MAP3K15: variants seen among roughly 807,000 people sequenced by gnomAD.
The protein encoded by MAP3K15 is mitogen-activated protein kinase kinase kinase 15.
Under a neutral mutation model 99.5 loss-of-function variants are expected in MAP3K15, and 124 were observed. The ratio of observed to expected loss-of-function variants is 1.25; its 90% CI spans 1.08 to 1.45. The LOEUF is 1.45. MAP3K15 is among the 40% of genes most tolerant of loss of function. The pLI is 0.00. For synonymous variants in MAP3K15, 494 were observed against 439.6 expected (o/e 1.12, Z -1.55); for missense variants, 1,242 against 1,079.7 (o/e 1.15, Z -2.11).
At chrX:19,446,559 G>C (rs1032633458) in intron 6 of MAP3K15, among the ~76,000 whole-genome samples, 2 of 111,729 alleles carry the variant, frequency 1.8e-5, no homozygotes, top group Non-Finnish European at 3.8e-5. Context: ...TTACTCCCTA[G>C]GGACTACAGA....
chrX:19,474,232 C>T (rs1398470525), intron 3 of MAP3K15, among the ~76,000 whole-genome samples: 2 of 111,407 alleles, frequency 1.8e-5, no homozygotes, highest in Middle Eastern at 4.2e-3. Flanking sequence ...GTGTGGTGAA[C>T]AAGAAATACT....
Position 19,515,282 on chromosome X carries a change from C to A in MAP3K15, c.-21G>T. The A allele has an allele frequency of 1.1e-6, 1 of 874,953 alleles. No homozygotes were observed. Among genetic ancestry groups the A allele is most frequent in the Non-Finnish European group, 1.4e-6 (1 of 714,252 alleles). The allele number at this position is 874,953 out of a possible 1,213,427, so 72.1% of individuals were successfully genotyped here. A position where few individuals can be genotyped will look rare whatever the true frequency, so the allele number is the denominator to read the frequency against. ...TCCATGTGCCCGCCTGCGCGCCCTT[C>A]CCCTGGGCGAGTGGCCAGCGGCTGC... is the stretch of plus-strand genomic sequence containing the variant. On this transcript the variant is annotated 5_prime_UTR_variant, in exon 1 of 29. Coordinates refer to ENST00000338883, the MANE Select transcript of MAP3K15 (RefSeq NM_001001671.4).
chrX:19,384,932 T>C (rs1198428664), intron 18 of MAP3K15, among the ~76,000 whole-genome samples: 2 of 110,591 alleles, frequency 1.8e-5, no homozygotes, highest in African/African-American at 6.6e-5. Context: ...CATAAATATA[T>C]ATACCTGCTA....
intron 4 of MAP3K15, among the ~76,000 whole-genome samples, chrX:19,460,735 C>G (rs372349085): frequency 3.7e-4 from 4 of 10,940 alleles, no homozygotes; most frequent in African/African-American, 3.4e-3. Context: ...ATTGAATGGC[C>G]AGATGTTCTG....
intron 20 of MAP3K15, 69 bp from the exon 21 acceptor site, chrX:19,373,764 C>T (rs1464721711): frequency 9.6e-5 from 106 of 1,106,336 alleles, no homozygotes; most frequent in Non-Finnish European, 9.5e-5. Flanking sequence ...GAGTCCCTGG[C>T]AGCCCCTCAA....
chrX:19,488,715 A>G, intron 2 of MAP3K15, 113 bp downstream of exon 2: 1 of 749,835 alleles, frequency 1.3e-6, no homozygotes, highest in Non-Finnish European at 1.9e-6. Context: ...AAAGAATTGC[A>G]CAAGCAAGTC....
At chrX:19,417,119 G>A (rs952151171) in intron 9 of MAP3K15, among the ~76,000 whole-genome samples, 11 of 111,870 alleles carry the variant, frequency 9.8e-5, no homozygotes, top group African/African-American at 2.6e-4. Flanking sequence ...CAGCATGAGC[G>A]ATGCAGAAGA....
chrX:19,363,700 T>G (rs1210001917), intron 25 of MAP3K15, among the ~76,000 whole-genome samples: 1 of 107,996 alleles, frequency 9.3e-6, no homozygotes, highest in Non-Finnish European at 1.9e-5. Context: ...TGGCCCAGGC[T>G]GGAGTGCAGT....
At chrX:19,496,316 C>G (rs1259300220) in intron 1 of MAP3K15, 1 of 111,147 alleles carries the variant, frequency 9.0e-6, no homozygotes, top group East Asian at 2.8e-4. Flanking sequence ...ATCCACCTGC[C>G]TCGGCCCCCC....
At chrX:19,461,924 G>A (rs1270984104) in intron 4 of MAP3K15, among the ~76,000 whole-genome samples, 3 of 110,364 alleles carry the variant, frequency 2.7e-5, no homozygotes, top group Non-Finnish European at 5.7e-5. Flanking sequence ...CCGGGAGGCA[G>A]AGGTTGCAGT....
At chrX:19,483,565 A>AGTGTGTGTGT (rs140310801) in intron 3 of MAP3K15, among the ~76,000 whole-genome samples, 3 of 106,064 alleles carry the variant, frequency 2.8e-5, no homozygotes, top group Non-Finnish European at 3.9e-5. Context: ...ACTAACTATG[A>AGTGTGTGTGT]GTGTGTGTGT....
chrX:19,507,169 G>A (rs528460047), intron 1 of MAP3K15, among the ~76,000 whole-genome samples: 1 of 111,466 alleles, frequency 9.0e-6, no homozygotes, highest in South Asian at 3.8e-4. Flanking sequence ...TAAACAAAAC[G>A]GTGTACTCCA....
At chrX:19,437,664 C>T (rs991781195) in intron 6 of MAP3K15, among the ~76,000 whole-genome samples, 8 of 111,915 alleles carry the variant, frequency 7.1e-5, no homozygotes, top group African/African-American at 2.6e-4. Context: ...TGTTTTAATA[C>T]ATTTAGGTTT....
chrX:19,492,077 G>A (rs1035894027), intron 1 of MAP3K15, among the ~76,000 whole-genome samples: 11 of 108,396 alleles, frequency 1.0e-4, no homozygotes, highest in Non-Finnish European at 1.7e-4. Flanking sequence ...CTCCCACCTC[G>A]GCCTCTTAGA....
At chrX:19,371,749 T>G (rs2063376984) in intron 22 of MAP3K15, among the ~76,000 whole-genome samples, 1 of 111,114 alleles carries the variant, frequency 9.0e-6, no homozygotes, top group South Asian at 3.7e-4. Flanking sequence ...GGCTTCCTGT[T>G]TAACCCCTTG....
chrX:19,472,620 A>ACT (rs968732061), intron 3 of MAP3K15, among the ~76,000 whole-genome samples: 1 of 108,824 alleles, frequency 9.2e-6, no homozygotes, highest in African/African-American at 3.4e-5. Context: ...GGTTAATATA[A>ACT]CTCTCTCTCT....
intron 6 of MAP3K15, among the ~76,000 whole-genome samples, chrX:19,432,046 C>T (rs1399861127): frequency 9.5e-6 from 1 of 105,325 alleles, no homozygotes; most frequent in Admixed American, 1.1e-4. Context: ...AAAATTATTT[C>T]TAAATAATAG....
intron 18 of MAP3K15, among the ~76,000 whole-genome samples, chrX:19,389,189 C>G (rs1372164376): frequency 1.8e-5 from 2 of 109,111 alleles, no homozygotes; most frequent in Non-Finnish European, 3.8e-5. Flanking sequence ...TAGGTCCAGA[C>G]ACTGGATCGT....
At chrX:19,409,843 G>T in intron 12 of MAP3K15, 81 bp downstream of exon 12, 1 of 773,889 alleles carries the variant, frequency 1.3e-6, no homozygotes, top group Non-Finnish European at 1.9e-6. Context: ...CATATTATGA[G>T]TAAGTGGAAA....
Sources: allele counts gnomAD v4.1 joint callset (sites outside exome capture counted in the v4.1 genomes callset), GRCh38; gene constraint gnomAD v4.1.1; transcripts MANE v1.5; gene names NCBI Gene and HGNC (gene_info 2026-07-23, HGNC 2026-07-21).